Variants in NEGR1 observed in about 807,000 individuals in gnomAD.
NEGR1 encodes neuronal growth regulator 1.
A neutral mutation model predicts 40.9 loss-of-function variants in NEGR1; 10 were observed. The ratio of observed to expected loss-of-function variants is 0.24; its 90% CI spans 0.15 to 0.42. NEGR1 has a LOEUF of 0.42. Among genes scored for constraint, NEGR1 ranks in the 10% least tolerant of loss-of-function variants. The pLI, the probability that NEGR1 is intolerant of heterozygous loss-of-function variation, is 1.00. For synonymous variants in NEGR1, 185 were observed against 166.8 expected (o/e 1.11, Z -0.84); for missense variants, 352 against 438.9 (o/e 0.80, Z 1.77).
intron 6 of NEGR1, among the ~76,000 whole-genome samples, chr1:71,552,667 A>G (rs1223050341): frequency 6.6e-6 from 1 of 150,608 alleles, no homozygotes; most frequent in Non-Finnish European, 1.5e-5. Context: ...ATAGTATTGT[A>G]TATATGACAT....
intron 2 of NEGR1, among the ~76,000 whole-genome samples, chr1:71,917,988 C>T (rs187502925): frequency 0.023 from 3,439 of 150,242 alleles, 124 homozygotes; most frequent in African/African-American, 0.079. Flanking sequence ...GAGGCCGAGG[C>T]GGGCGGATCA....
At chr1:71,882,644 T>C (rs1660613375) in intron 2 of NEGR1, among the ~76,000 whole-genome samples, 1 of 151,554 alleles carries the variant, frequency 6.6e-6, no homozygotes, top group South Asian at 2.1e-4. Context: ...GACCTATCTT[T>C]AGTATCCCTG....
chr1:71,398,014 C>G lies in NEGR1; in HGVS notation c.*9432G>C, dbSNP rs908896562. On this transcript the variant is annotated 3_prime_UTR_variant, in exon 7 of 7. Coordinates refer to ENST00000357731, the MANE Select transcript of NEGR1 (RefSeq NM_173808.3). ...CAGTGGAAGCCCCAAGCCTTGGCAG[C>G]TTCCACATGGTGTTGAGCCTGTGGG... The G allele has an allele frequency of 2.8e-4, 42 of 152,234 alleles. 1 individual carries two copies. 9.4% of individuals were successfully genotyped at this position (152,234 alleles called of 1,614,324 possible).
At chr1:72,101,368 A>G (rs1335252373) in intron 1 of NEGR1, among the ~76,000 whole-genome samples, 1 of 152,190 alleles carries the variant, frequency 6.6e-6, no homozygotes, top group Non-Finnish European at 1.5e-5. Flanking sequence ...AGACCATAAT[A>G]TACTTAACAT....
intron 1 of NEGR1, among the ~76,000 whole-genome samples, chr1:72,007,706 C>A (rs967466643): frequency 6.6e-6 from 1 of 152,106 alleles, no homozygotes; most frequent in African/African-American, 2.4e-5. Context: ...TCAAATACTA[C>A]AGAAGTATGA....
intron 1 of NEGR1, among the ~76,000 whole-genome samples, chr1:71,976,981 T>G (rs1646310280): frequency 6.6e-6 from 1 of 152,162 alleles, no homozygotes; most frequent in South Asian, 2.1e-4. Context: ...ATATGGAAAT[T>G]TTAGATAATA....
At chr1:72,096,971 C>T (rs922058881) in intron 1 of NEGR1, among the ~76,000 whole-genome samples, 3 of 152,120 alleles carry the variant, frequency 2.0e-5, no homozygotes, top group Non-Finnish European at 2.9e-5. Context: ...TGTGAGCCAC[C>T]GCACCCAGCT....
At chr1:71,736,545 TAC>T (rs1298708583) in intron 3 of NEGR1, among the ~76,000 whole-genome samples, 1 of 152,118 alleles carries the variant, frequency 6.6e-6, no homozygotes, top group East Asian at 1.9e-4. Context: ...TGGCACTGAG[TAC>T]AGTTTCTTGA....
rs185977184 is a variant in NEGR1 at position 71,808,362 on chromosome 1, A to G, written c.410-32065T>C. Among the ~76,000 whole-genome samples, 1,027 of 152,306 alleles carry G rather than the reference A, an allele frequency of 6.7e-3. 12 individuals are homozygous for G. The highest frequency in any genetic ancestry group is 0.01 in the Middle Eastern group (3 of 294). On this transcript the variant is annotated intron_variant, in intron 2 of 6. Transcript: ENST00000357731. ...AATAGTCCCTCGCCCTCCTATAGGT[A>G]TAGATGGTGGAGATGAAAACAAATA...
chr1:71,411,783 T>C (rs1333795305), intron 6 of NEGR1, among the ~76,000 whole-genome samples: 1 of 152,096 alleles, frequency 6.6e-6, no homozygotes, highest in Non-Finnish European at 1.5e-5. Flanking sequence ...GTGGATCACC[T>C]GAGGCCAGGA....
intron 2 of NEGR1, among the ~76,000 whole-genome samples, chr1:71,777,916 T>C (rs1656567833): frequency 6.6e-6 from 1 of 152,066 alleles, no homozygotes. Flanking sequence ...AACTCTTCAG[T>C]GAGCTTTTCT....
At chr1:71,925,370 A>C (rs1344534648) in intron 2 of NEGR1, among the ~76,000 whole-genome samples, 1 of 152,200 alleles carries the variant, frequency 6.6e-6, no homozygotes, top group African/African-American at 2.4e-5. Flanking sequence ...TTTTCCCCGA[A>C]TCTTTCCACT....
At chr1:72,176,706 G>A (rs1479677546) in intron 1 of NEGR1, among the ~76,000 whole-genome samples, 1 of 152,010 alleles carries the variant, frequency 6.6e-6, no homozygotes, top group Non-Finnish European at 1.5e-5. Context: ...GGGATGGCTA[G>A]GATACAAAAT....
At chr1:71,465,935 A>G (rs915110465) in intron 6 of NEGR1, among the ~76,000 whole-genome samples, 3 of 152,030 alleles carry the variant, frequency 2.0e-5, no homozygotes, top group African/African-American at 7.2e-5. Context: ...AGGAAAAATG[A>G]TTATGGCCAG....
intron 2 of NEGR1, among the ~76,000 whole-genome samples, chr1:71,859,266 C>T (rs1659872296): frequency 6.6e-6 from 1 of 152,040 alleles, no homozygotes; most frequent in South Asian, 2.1e-4. Flanking sequence ...GCTCCTGTCT[C>T]AGAGCCTGGG....
chr1:71,638,688 T>A (rs1337447535), intron 4 of NEGR1, among the ~76,000 whole-genome samples: 1 of 151,990 alleles, frequency 6.6e-6, no homozygotes, highest in Non-Finnish European at 1.5e-5. Context: ...GTGTCTAAGG[T>A]CATATTCTAA....
chr1:71,489,207 A>G lies in NEGR1; in HGVS notation c.941-81637T>C, dbSNP rs143063185. On this transcript the variant is annotated intron_variant, in intron 6 of 6. Coordinates refer to ENST00000357731, the MANE Select transcript of NEGR1 (RefSeq NM_173808.3). ...ACTTAGGGAGCAGGAATAATGGCAT[A>G]TATTCAGCGAATTGGGAGCTCTTTC... Among the ~76,000 whole-genome samples, 1,505 of 151,978 alleles carry G rather than the reference A, an allele frequency of 9.9e-3. 19 individuals carry two copies. The highest frequency in any genetic ancestry group is 0.029 in the South Asian group (138 of 4,820).
chr1:71,865,800 A>G (rs1430225265), intron 2 of NEGR1, among the ~76,000 whole-genome samples: 2 of 152,208 alleles, frequency 1.3e-5, no homozygotes, highest in Non-Finnish European at 2.9e-5. Flanking sequence ...TTAATATTTT[A>G]CATATGCTTT....
chr1:71,542,771 C>T (rs1647757802), intron 6 of NEGR1, among the ~76,000 whole-genome samples: 1 of 151,660 alleles, frequency 6.6e-6, no homozygotes, highest in Non-Finnish European at 1.5e-5. Flanking sequence ...AATGTCACTC[C>T]TATGATAACC....
Sources: gnomAD v4.1 joint callset for allele counts (sites outside exome capture counted in the v4.1 genomes callset) on GRCh38, gnomAD v4.1.1 for gene constraint, MANE v1.5 for transcripts, NCBI Gene and HGNC (gene_info 2026-07-23, HGNC 2026-07-21) for gene names.